The following ATAD2B variants were observed in gnomAD, a reference collection of about 807,000 sequenced individuals.
The protein encoded by ATAD2B is ATPase family AAA domain-containing protein 2B.
ATAD2B carries 40 observed loss-of-function variants against 167.6 expected under a neutral mutation model. That is an observed-to-expected ratio of 0.24 (90% CI 0.19 to 0.31). The LOEUF (loss-of-function observed/expected upper bound fraction) is 0.31. Ranked by LOEUF, ATAD2B falls within the 10% of genes least tolerant of loss-of-function variation. The probability of loss-of-function intolerance (pLI) is 1.00; values close to 1 mark genes in which losing one functional copy is unlikely to be tolerated. For missense variants in ATAD2B, 1,242 were observed against 1,757.2 expected (o/e 0.71, Z 5.24); for synonymous variants, 579 against 596.5 (o/e 0.97, Z 0.43).
intron 18 of ATAD2B, among the ~76,000 whole-genome samples, chr2:23,808,104 A>AGTAATTATATATATAATTATATAT (rs1684890121): frequency 7.7e-6 from 1 of 129,698 alleles, no homozygotes; most frequent in Non-Finnish European, 1.6e-5. Flanking sequence ...TATATATATA[A>AGTAATTATATATATAATTATATAT]GTAATTATAT....
chr2:23,847,863 C>T (rs1020035751), intron 13 of ATAD2B, among the ~76,000 whole-genome samples: 9 of 149,830 alleles, frequency 6.0e-5, no homozygotes, highest in East Asian at 2.0e-4. Flanking sequence ...CGTGGTGGCA[C>T]GCAGCTGTAG....
At chr2:23,739,409 C>G in the ATAD2B span, among the ~76,000 whole-genome samples, 1 of 152,154 alleles carries the variant, frequency 6.6e-6, no homozygotes, top group Non-Finnish European at 1.5e-5. Context: ...CTCAAAACCA[C>G]TCAACTACAT....
intron 1 of ATAD2B, among the ~76,000 whole-genome samples, chr2:23,913,062 C>T (rs1403155471): frequency 6.6e-6 from 1 of 152,054 alleles, no homozygotes; most frequent in East Asian, 1.9e-4. Flanking sequence ...AGTATCTGAC[C>T]AATCAATAAG....
the ATAD2B span, among the ~76,000 whole-genome samples, chr2:23,743,550 G>A: frequency 2.2e-5 from 3 of 137,434 alleles, no homozygotes; most frequent in Middle Eastern, 3.7e-3. Flanking sequence ...GCAACAGAGC[G>A]AAAATCCGAC....
chr2:23,703,220 G>A, the ATAD2B span: 2 of 1,473,976 alleles, frequency 1.4e-6, no homozygotes, highest in Admixed American at 2.6e-5. Context: ...GGAGGCGGTG[G>A]CCCCTCTGCC....
chr2:23,740,777 T>C, the ATAD2B span, among the ~76,000 whole-genome samples: 2 of 152,200 alleles, frequency 1.3e-5, no homozygotes, highest in African/African-American at 2.4e-5. Context: ...TGCTTGCAGA[T>C]GACATGATTG....
At chr2:23,821,179 C>A (rs1403807209) in intron 16 of ATAD2B, among the ~76,000 whole-genome samples, 1 of 152,130 alleles carries the variant, frequency 6.6e-6, no homozygotes, top group Non-Finnish European at 1.5e-5. Context: ...GTTCTACCAA[C>A]TGGAACTAAA....
At chr2:23,869,901 A>G in intron 8 of ATAD2B, 140 bp from the exon 9 acceptor site, 1 of 615,846 alleles carries the variant, frequency 1.6e-6, no homozygotes, top group Non-Finnish European at 2.8e-6. Context: ...TACAATTTAC[A>G]TGAAGTATAA....
intron 11 of ATAD2B, 28 bp from the exon 12 acceptor site, chr2:23,863,583 T>C (rs1453540060): frequency 2.6e-6 from 4 of 1,524,028 alleles, no homozygotes; most frequent in South Asian, 2.5e-5. Flanking sequence ...TCAAGAAGTG[T>C]AAATTATATT....
the ATAD2B span, chr2:23,695,868 C>T: frequency 2.6e-6 from 4 of 1,535,090 alleles, no homozygotes; most frequent in Non-Finnish European, 3.5e-6. The surrounding 1 kb of genome is among the most constrained non-coding windows in gnomAD (Gnocchi z 7.6). Context: ...GTGTCTTGGG[C>T]TCAGTGGTTC....
At chr2:23,852,854 G>C (rs1192273884) in intron 13 of ATAD2B, among the ~76,000 whole-genome samples, 1 of 151,892 alleles carries the variant, frequency 6.6e-6, no homozygotes, top group Non-Finnish European at 1.5e-5. Context: ...AGGAGGTGGA[G>C]GTTGCAGTGA....
chr2:23,780,933 C>T (rs1679929912), intron 22 of ATAD2B, among the ~76,000 whole-genome samples: 1 of 152,042 alleles, frequency 6.6e-6, no homozygotes, highest in Admixed American at 6.6e-5. Context: ...ACAAATTATA[C>T]TCTAAATATC....
chr2:23,862,276 G>C lies in ATAD2B; in HGVS notation c.1479+1105C>G, dbSNP rs371750378. ...ACCATCTCAGTAATGGGTGCTCAAA[G>C]CTTGAAGTTATTTTTTATTTCACGT... On this transcript the variant is annotated intron_variant, in intron 12 of 27. Coordinates refer to ENST00000238789, the MANE Select transcript of ATAD2B (RefSeq NM_017552.4). 3.7e-4 allele frequency among the ~76,000 whole-genome samples: 56 copies of C among 152,034 alleles called. No homozygotes were observed. The East Asian group carries it at 9.6e-3, about 26-fold the overall frequency.
At chr2:23,800,289 A>G (rs1392568794) in intron 18 of ATAD2B, among the ~76,000 whole-genome samples, 2 of 152,176 alleles carry the variant, frequency 1.3e-5, no homozygotes, top group Non-Finnish European at 2.9e-5. Flanking sequence ...TAATTCAGCC[A>G]TGCAAGCTAC....
chr2:23,880,859 T>C lies in ATAD2B; in HGVS notation c.785-104A>G, dbSNP rs1697779169. The stretch of plus-strand genomic sequence containing the variant: ...TTTACACTTTATCCATTACTCTTTC[T>C]GCACAGGTGACATTTAAGTGCCAAC... On this transcript the variant is annotated intron_variant, in intron 6 of 27. Coordinates refer to ENST00000238789, the MANE Select transcript of ATAD2B (RefSeq NM_017552.4). 4 of 693,920 alleles carry C rather than the reference T, an allele frequency of 5.8e-6. No homozygotes were observed. The East Asian group carries it at 1.1e-4, about 19-fold the overall frequency. The allele number at this position is 693,920 out of a possible 1,614,324, so 43.0% of individuals were successfully genotyped here.
Position 23,823,261 on chromosome 2 carries a change from CTTT to C in ATAD2B, c.2125_2127del (p.Lys709del). The stretch of plus-strand genomic sequence containing the variant: ...ATAAAAAAGTAGTTTAGAGTACCTT[CTTT>C]TTTGTCACTCTGGCTAATTTCAGCA... On this transcript the variant is annotated inframe_deletion, in exon 16 of 28. Transcript: ENST00000238789. 6.2e-7 allele frequency: 1 copy of C among 1,605,768 alleles called. No individual in the cohort carries two copies. The highest frequency in any genetic ancestry group is 8.5e-7 in the Non-Finnish European group (1 of 1,174,390).
chr2:23,727,771 G>A, the ATAD2B span, among the ~76,000 whole-genome samples: 1 of 152,040 alleles, frequency 6.6e-6, no homozygotes. Flanking sequence ...AAGACATGAA[G>A]GAACCTTAAA....
chr2:23,760,892 C>T (rs970792044), intron 24 of ATAD2B, among the ~76,000 whole-genome samples: 1 of 151,850 alleles, frequency 6.6e-6, no homozygotes, highest in South Asian at 2.1e-4. Flanking sequence ...AGCAACTACG[C>T]CTTAGGGACA....
At chr2:23,798,366 T>A (rs1358541245) in intron 18 of ATAD2B, 43 bp from the exon 19 acceptor site, 3 of 1,435,300 alleles carry the variant, frequency 2.1e-6, no homozygotes, top group Non-Finnish European at 2.9e-6. Flanking sequence ...TCAAATTGAT[T>A]ATTCTAAAGT....
Sources: gnomAD v4.1 joint callset for allele counts (sites outside exome capture counted in the v4.1 genomes callset) on GRCh38, gnomAD v4.1.1 for gene constraint, Gnocchi (gnomAD v3.1) non-coding constraint, MANE v1.5 for transcripts, NCBI Gene and HGNC (gene_info 2026-07-23, HGNC 2026-07-21) for gene names.